CACNA2D1: variants seen among roughly 807,000 people sequenced by gnomAD.
CACNA2D1 encodes voltage-dependent calcium channel subunit alpha-2/delta-1.
CACNA2D1 carries 53 observed loss-of-function variants against 171.5 expected under a neutral mutation model. The ratio of observed to expected loss-of-function variants is 0.31; its 90% CI spans 0.25 to 0.39. The LOEUF (loss-of-function observed/expected upper bound fraction) is 0.39. Ranked by LOEUF, CACNA2D1 falls within the 10% of genes least tolerant of loss-of-function variation. CACNA2D1 has a pLI of 1.00. For missense variants in CACNA2D1, 903 were observed against 1,299.8 expected, an observed-to-expected ratio of 0.69 and a Z score of 4.69; for synonymous variants, 442 against 443.1, an observed-to-expected ratio of 1.00 and a Z score of 0.03.
chr7:82,205,721 C>T (rs999275556), intron 3 of CACNA2D1, among the ~76,000 whole-genome samples: 7 of 152,026 alleles, frequency 4.6e-5, no homozygotes, highest in East Asian at 3.9e-4. Context: ...TTGCTATTTA[C>T]GTTTTCCAAG....
intron 3 of CACNA2D1, among the ~76,000 whole-genome samples, chr7:82,193,200 C>T (rs564621563): frequency 3.3e-5 from 5 of 151,894 alleles, no homozygotes; most frequent in East Asian, 1.9e-4. Context: ...CAAACAGGTA[C>T]GATAAATAAT....
chr7:82,335,114 G>A, intron 3 of CACNA2D1, 21 bp downstream of exon 3: 2 of 1,357,790 alleles, frequency 1.5e-6, no homozygotes, highest in East Asian at 2.3e-5. Flanking sequence ...AATAAAATGA[G>A]CAGATCCAAT....
chr7:82,339,926 T>G (rs1457359414), intron 2 of CACNA2D1, among the ~76,000 whole-genome samples: 2 of 152,064 alleles, frequency 1.3e-5, no homozygotes, highest in Non-Finnish European at 2.9e-5. Flanking sequence ...ATAGTCAGAG[T>G]TAGCCAATGG....
chr7:82,257,090 T>C (rs1806394927), intron 3 of CACNA2D1, among the ~76,000 whole-genome samples: 1 of 152,210 alleles, frequency 6.6e-6, no homozygotes, highest in Non-Finnish European at 1.5e-5. Flanking sequence ...TTTGCTACAC[T>C]GGCTTCATTT....
chr7:82,257,852 T>C (rs1806487517), intron 3 of CACNA2D1, among the ~76,000 whole-genome samples: 1 of 152,196 alleles, frequency 6.6e-6, no homozygotes, highest in South Asian at 2.1e-4. Flanking sequence ...CTACAGGTTT[T>C]AATCATATTT....
At chr7:82,172,115 A>G (rs1796079217) in intron 3 of CACNA2D1, among the ~76,000 whole-genome samples, 1 of 152,084 alleles carries the variant, frequency 6.6e-6, no homozygotes. Context: ...ATAGTGTGCC[A>G]AAAGGACAAT....
At chr7:82,291,538 G>A (rs1197756323) in intron 3 of CACNA2D1, among the ~76,000 whole-genome samples, 1 of 125,244 alleles carries the variant, frequency 8.0e-6, no homozygotes, top group African/African-American at 3.1e-5. Flanking sequence ...CTATATATGT[G>A]ATATATAGAT....
At position 81,959,865 on chromosome 7, in the gene CACNA2D1, T is replaced by A. The variant is rs191501938; in HGVS notation, c.2967-36A>T. ...AATATGGTATCATAGAAAATGAGTA[T>A]CTTTTCCAAAATAAATGGAAATCTT... On this transcript the variant is annotated intron_variant, in intron 36 of 38. Transcript: ENST00000356860. 3.1e-6 allele frequency: 5 copies of A among 1,598,998 alleles called. No individual in the cohort carries two copies. In the East Asian group the frequency reaches 1.1e-4, roughly 36 times the overall value.
In CACNA2D1 at chr7:82,207,528, T is replaced by TAA. The variant is rs80020757; in HGVS notation, c.295-36921_295-36920dup. 6.8e-5 allele frequency among the ~76,000 whole-genome samples: 10 copies of TAA among 146,490 alleles called. No homozygotes were observed. In the South Asian group the frequency reaches 2.0e-3, roughly 29 times the overall value. On this transcript the variant is annotated intron_variant, in intron 3 of 38. Coordinates refer to ENST00000356860, the MANE Select transcript of CACNA2D1 (RefSeq NM_000722.4). ...TGTTTGATTAGAGAAGATTTGAGGT[T>TAA]AAAAAAAAAAAAGTATGCATTACTG...
intron 3 of CACNA2D1, among the ~76,000 whole-genome samples, chr7:82,291,903 T>A (rs1439168091): frequency 6.6e-6 from 1 of 151,968 alleles, no homozygotes; most frequent in African/African-American, 2.4e-5. Flanking sequence ...AAAATTTAGA[T>A]AATATCCACA....
chr7:82,145,691 GTA>G (rs1264392655), intron 4 of CACNA2D1, among the ~76,000 whole-genome samples: 3 of 146,974 alleles, frequency 2.0e-5, no homozygotes, highest in Non-Finnish European at 4.5e-5. Context: ...CACACATTCT[GTA>G]TATATATTAT....
chr7:81,988,436 C>T (rs1047937346), intron 21 of CACNA2D1, among the ~76,000 whole-genome samples: 3 of 152,090 alleles, frequency 2.0e-5, no homozygotes, highest in Non-Finnish European at 4.4e-5. Flanking sequence ...TTGCAATATG[C>T]TCTCCTCTTC....
intron 38 of CACNA2D1, among the ~76,000 whole-genome samples, chr7:81,952,786 G>A (rs56060164): frequency 0.035 from 5,359 of 151,762 alleles, 158 homozygotes; most frequent in South Asian, 0.049. Context: ...AATTTCATCC[G>A]TTTCCTAATA....
In CACNA2D1 at chr7:82,211,617, C is replaced by A. The variant is rs563461312; in HGVS notation, c.295-41008G>T. 1.5e-3 allele frequency among the ~76,000 whole-genome samples: 225 copies of A among 152,258 alleles called. 3 individuals are homozygous for A. The highest frequency in any genetic ancestry group is 5.2e-3 in the African/African-American group (216 of 41,552). On this transcript the variant is annotated intron_variant, in intron 3 of 38. Transcript: ENST00000356860. Reference sequence around the variant, plus strand: ...CTCTTTCTAATCTACTGTTGATGGGCACCTAGGTTGATTCCATGTCTTTGC... The same window carrying A: ...CTCTTTCTAATCTACTGTTGATGGGAACCTAGGTTGATTCCATGTCTTTGC...
chr7:81,999,157 T>C (rs1798341731), intron 18 of CACNA2D1, among the ~76,000 whole-genome samples: 1 of 152,094 alleles, frequency 6.6e-6, no homozygotes, highest in African/African-American at 2.4e-5. Flanking sequence ...ATTGGCAATA[T>C]GAAGATCATG....
intron 12 of CACNA2D1, chr7:82,021,273 G>A (rs1801176121): frequency 6.6e-6 from 1 of 152,082 alleles, no homozygotes; most frequent in Non-Finnish European, 1.5e-5. Flanking sequence ...ATACTTCACT[G>A]ACACTGATAA....
intron 10 of CACNA2D1, chr7:82,050,611 A>G (rs1459505869): frequency 1.4e-6 from 1 of 702,872 alleles, no homozygotes; most frequent in Non-Finnish European, 2.6e-6. Flanking sequence ...CGGGAGAAGG[A>G]GAAATCTCTT....
intron 3 of CACNA2D1, among the ~76,000 whole-genome samples, chr7:82,268,286 C>T (rs10271781): frequency 0.065 from 9,897 of 152,084 alleles, 1,068 homozygotes; most frequent in African/African-American, 0.22. Flanking sequence ...GGAAGTTTCA[C>T]GGTAAATGTC....
At chr7:82,362,635 A>G (rs1821198389) in intron 1 of CACNA2D1, among the ~76,000 whole-genome samples, 1 of 152,186 alleles carries the variant, frequency 6.6e-6, no homozygotes, top group Non-Finnish European at 1.5e-5. Context: ...GTATTTTCCC[A>G]AAGCTCTGGT....
Sources: gnomAD v4.1 joint callset for allele counts (sites outside exome capture counted in the v4.1 genomes callset) on GRCh38, gnomAD v4.1.1 for gene constraint, MANE v1.5 for transcripts, NCBI Gene and HGNC (gene_info 2026-07-23, HGNC 2026-07-21) for gene names.